Variants in FUZ observed in about 807,000 individuals in gnomAD.
FUZ encodes fuzzy planar cell polarity protein, also known as protein fuzzy homolog.
Under a neutral mutation model 43.1 loss-of-function variants are expected in FUZ, and 31 were observed. The ratio of observed to expected loss-of-function variants is 0.72; its 90% CI spans 0.54 to 0.97. FUZ has a LOEUF of 0.97. Ranked by LOEUF, FUZ falls within the 50% of genes least tolerant of loss-of-function variation. The pLI, the probability that FUZ is intolerant of heterozygous loss-of-function variation, is 0.00. For missense variants in FUZ, 539 were observed against 543.8 expected, an observed-to-expected ratio of 0.99 and a Z score of 0.09; for synonymous variants, 274 against 250.0, an observed-to-expected ratio of 1.10 and a Z score of -0.91.
In FUZ at chr19:49,806,901, G is replaced by C. The variant is rs1568593402; in HGVS notation, c.*250C>G. ...GCCTGGGACTTTCCTCCGGCCTTTTGTATTTTTATTTTTGTTCATCTGCTG... is the reference window on the plus strand; with the variant it reads ...GCCTGGGACTTTCCTCCGGCCTTTTCTATTTTTATTTTTGTTCATCTGCTG... On this transcript the variant is annotated 3_prime_UTR_variant, in exon 11 of 11. Coordinates refer to ENST00000313777, the MANE Select transcript of FUZ (RefSeq NM_025129.5). 18 of 1,540,226 alleles carry C rather than the reference G, an allele frequency of 1.2e-5. No homozygotes were observed. The East Asian group carries it at 4.4e-4, about 38-fold the overall frequency.
chr19:49,812,622 G>A lies in FUZ; in HGVS notation c.226C>T (p.His76Tyr). ...ENTTVVWKSF[H>Y]DSITLIVLSS... Reference sequence around the variant, plus strand: ...ACGTTCCCTCCTGGGGACCTGTCATGGAAGCTTTTCCACACCACAGTCGTG... The same window carrying A: ...ACGTTCCCTCCTGGGGACCTGTCATAGAAGCTTTTCCACACCACAGTCGTG... The change falls in exon 2 of 11, where the codon CAT (histidine) becomes TAT (tyrosine). Residue 76 changes from histidine to tyrosine, a missense_variant. Coordinates refer to ENST00000313777, the MANE Select transcript of FUZ (RefSeq NM_025129.5). 6.2e-7 allele frequency: 1 copy of A among 1,614,088 alleles called. No homozygotes were observed. The highest frequency in any genetic ancestry group is 8.5e-7 in the Non-Finnish European group (1 of 1,180,026).
Position 49,812,626 on chromosome 19 carries a change from G to A in FUZ, c.222C>T (p.Ser74=). The part of the protein sequence containing the change: ...RTENTTVVWK[S]FHDSITLIVL... The stretch of plus-strand genomic sequence containing the variant: ...TCCCTCCTGGGGACCTGTCATGGAA[G>A]CTTTTCCACACCACAGTCGTGTTCT... The change falls in exon 2 of 11, where the codon AGC becomes AGT. Residue 74 remains serine (S), a synonymous_variant. Coordinates refer to ENST00000313777, the MANE Select transcript of FUZ (RefSeq NM_025129.5). 6.2e-7 allele frequency: 1 copy of A among 1,614,128 alleles called. No homozygotes were observed. Among genetic ancestry groups the A allele is most frequent in the South Asian group, 1.1e-5 (1 of 91,074 alleles).
chr19:49,812,841 G>C, intron 1 of FUZ, 105 bp from the exon 2 acceptor site: 1 of 1,482,734 alleles, frequency 6.7e-7, no homozygotes. Flanking sequence ...CATATGACCT[G>C]GCAGTGCCTC....
intron 5 of FUZ, among the ~76,000 whole-genome samples, chr19:49,810,786 G>A (rs2073738655): frequency 6.6e-6 from 1 of 152,128 alleles, no homozygotes; most frequent in African/African-American, 2.4e-5. Flanking sequence ...GGAGTTCAAG[G>A]CTGCAGTGAG....
upstream of FUZ, chr19:49,813,336 G>A (rs1210343081): frequency 9.5e-6 from 6 of 632,684 alleles, no homozygotes; most frequent in Non-Finnish European, 1.4e-5. Context: ...CTAGCCGGAA[G>A]TCACGGTACC....
rs1409418658 is a variant in FUZ at position 49,809,096 on chromosome 19, TG to T, written c.786+66del. 1 of 1,388,908 alleles carries T rather than the reference TG, an allele frequency of 7.2e-7. No individual in the cohort carries two copies. The highest frequency in any genetic ancestry group is 1.0e-6 in the Non-Finnish European group (1 of 1,005,004). 86.0% of individuals were successfully genotyped at this position (1,388,908 alleles called of 1,614,324 possible). A position where few individuals can be genotyped will look rare whatever the true frequency, so the allele number is the denominator to read the frequency against. ...GAAAGATGCCGCTGGCAGGGCAGGGTGGTGGGGAAGGGCCCTCCTGGTAGCG... is the reference window on the plus strand; with the variant it reads ...GAAAGATGCCGCTGGCAGGGCAGGGTGTGGGGAAGGGCCCTCCTGGTAGCG... On this transcript the variant is annotated intron_variant, in intron 7 of 10. Coordinates refer to ENST00000313777, the MANE Select transcript of FUZ (RefSeq NM_025129.5). This position sits in a 1 kb window ranked among gnomAD's most constrained non-coding sequence, Gnocchi z 5.1.
intron 2 of FUZ, 56 bp downstream of exon 2, chr19:49,812,559 T>G: frequency 6.2e-7 from 1 of 1,613,244 alleles, no homozygotes; most frequent in African/African-American, 1.3e-5. Context: ...CGGGGTCATC[T>G]TCAACAGGGA....
In FUZ at chr19:49,809,200, C is replaced by G. The variant is rs369021547; in HGVS notation, c.749G>C (p.Cys250Ser). Residue 250 changes from cysteine to serine, a missense_variant, in exon 7 of 11, where the codon TGC (cysteine) becomes TCC (serine). Cys to Ser is a moderately radical substitution (Grantham distance 112). Coordinates refer to ENST00000313777, the MANE Select transcript of FUZ (RefSeq NM_025129.5). The surrounding 1 kb of genome is among the most constrained non-coding windows in gnomAD (Gnocchi z 5.1). Reference sequence around the variant, plus strand: ...CTGGCTGAGGGGTGGGCTCGGCCCGCAGAGTAGACACAGCTCCAGGCTCGG... The same window carrying G: ...CTGGCTGAGGGGTGGGCTCGGCCCGGAGAGTAGACACAGCTCCAGGCTCGG... ...LLPSLELCLL[C>S]GPSPPLSQLY... The G allele has an allele frequency of 9.7e-6, 15 of 1,551,538 alleles. No individual in the cohort carries two copies. In the African/African-American group the frequency reaches 1.9e-4, roughly 20 times the overall value.
chr19:49,809,295 G>A lies in FUZ; in HGVS notation c.691-37C>T, dbSNP rs2073627809. The A allele has an allele frequency of 1.3e-6, 2 of 1,548,904 alleles. No individual in the cohort carries two copies. Among genetic ancestry groups the A allele is most frequent in the Admixed American group, 3.9e-5 (2 of 50,978 alleles). ...CACAGGCTGGGGCTCATCGCGGCCC[G>A]GCCCCTTTCCATCGCAGATCCCGCC... On this transcript the variant is annotated intron_variant, in intron 6 of 10. Transcript: ENST00000313777. The surrounding 1 kb of genome is among the most constrained non-coding windows in gnomAD (Gnocchi z 5.1).
Position 49,807,008 on chromosome 19 carries a change from G to A in FUZ, c.*143C>T, listed in dbSNP as rs1377491368. ...CACAGAGGGGAGAGGGGCCAGGGAA[G>A]TGGATGTCTCCTCCCCTCCCACCCC... On this transcript the variant is annotated 3_prime_UTR_variant, in exon 11 of 11. Coordinates refer to ENST00000313777, the MANE Select transcript of FUZ (RefSeq NM_025129.5). 6.6e-6 allele frequency: 10 copies of A among 1,521,844 alleles called. No homozygotes were observed. Among genetic ancestry groups the A allele is most frequent in the Non-Finnish European group, 7.9e-6 (9 of 1,138,662 alleles). The allele number at this position is 1,521,844 out of a possible 1,614,324, so 94.3% of individuals were successfully genotyped here. A position where few individuals can be genotyped will look rare whatever the true frequency, so the allele number is the denominator to read the frequency against.
intron 7 of FUZ, 113 bp from the exon 8 acceptor site, chr19:49,808,936 A>G: frequency 1.1e-6 from 1 of 928,880 alleles, no homozygotes; most frequent in Non-Finnish European, 1.7e-6. Flanking sequence ...GGGGCCTGCA[A>G]GAAGAGTGGA....
rs764796000 is a variant in FUZ, at chr19:49,811,682, A to C, written c.336T>G (p.Leu112=). ...VFGAMVLLVG[L]EELTNIRNVE... is the part of the protein sequence containing the mutation. ...CGTTGCGGATATTGGTCAGTTCTTCAAGTCCCACAAGAAGGACCTAGAAGA... is the reference window on the plus strand; with the variant it reads ...CGTTGCGGATATTGGTCAGTTCTTCCAGTCCCACAAGAAGGACCTAGAAGA... The change falls in exon 4 of 11, where the codon CTT becomes CTG. Residue 112 remains leucine, a synonymous_variant. Transcript: ENST00000313777. 6.2e-7 allele frequency: 1 copy of C among 1,613,982 alleles called. No homozygotes were observed. Among genetic ancestry groups the C allele is most frequent in the Non-Finnish European group, 8.5e-7 (1 of 1,179,852 alleles).
At position 49,808,966 on chromosome 19, in the gene FUZ, CTG is replaced by C. The variant is rs961518777; in HGVS notation, c.787-145_787-144del. The C allele has an allele frequency of 5.4e-5, 47 of 870,942 alleles. No homozygotes were observed. In the African/African-American group the frequency reaches 6.8e-4, roughly 13 times the overall value. 54.0% of individuals were successfully genotyped at this position (870,942 alleles called of 1,614,324 possible). On this transcript the variant is annotated intron_variant, in intron 7 of 10. Transcript: ENST00000313777. Reference sequence around the variant, plus strand: ...AGTGGAGGGCGGAGGGCAGAAGGGACTGGGGAAGGGGCGAGGCCTGGAAGAAT... The same window carrying C: ...AGTGGAGGGCGGAGGGCAGAAGGGACGGGAAGGGGCGAGGCCTGGAAGAAT...
At chr19:49,811,817 C>T (rs1390738293) in intron 3 of FUZ, 118 bp from the exon 4 acceptor site, 2 of 911,218 alleles carry the variant, frequency 2.2e-6, no homozygotes, top group Non-Finnish European at 3.6e-6. Context: ...GTCAAGATTC[C>T]TGGGTTCTGG....
chr19:49,810,582 G>C (rs1474624737), intron 5 of FUZ, among the ~76,000 whole-genome samples: 2 of 150,908 alleles, frequency 1.3e-5, no homozygotes, highest in African/African-American at 4.9e-5. Context: ...GGGAGGTTGA[G>C]GCAGGGGAAT....
At chr19:49,811,292 GAAGA>G in intron 5 of FUZ, 67 bp downstream of exon 5, 1 of 1,065,798 alleles carries the variant, frequency 9.4e-7, no homozygotes, top group African/African-American at 1.6e-5. Context: ...CAATGGTCCA[GAAGA>G]AAGAGGATGA....
intron 1 of FUZ, 21 bp downstream of exon 1, chr19:49,812,975 T>C (rs1293680602): frequency 1.3e-6 from 2 of 1,542,650 alleles, no homozygotes; most frequent in Non-Finnish European, 1.8e-6. Flanking sequence ...TCGGTTTAGA[T>C]ACAGGCGTCC....
At position 49,808,480 on chromosome 19, in the gene FUZ, G is replaced by A. The variant is rs759848749; in HGVS notation, c.967C>T (p.Pro323Ser). The A allele has an allele frequency of 3.2e-5, 51 of 1,611,802 alleles. No homozygotes were observed. Among genetic ancestry groups the A allele is most frequent in the Non-Finnish European group, 3.9e-5 (46 of 1,179,382 alleles). Residue 323 changes from proline to serine, a missense_variant, in exon 10 of 11, where the codon CCA (proline) becomes TCA (serine). Transcript: ENST00000313777. The stretch of plus-strand genomic sequence containing the variant: ...CGGAGGAGGCGCCGGCGCTGTTCTG[G>A]TGAAGGCTCTGCTGGGAGGAAAAGG... ...VEPLGDKEPSPEQRRRLLRNF... is the reference protein window; with the variant it reads ...VEPLGDKEPSSEQRRRLLRNF...
Position 49,808,406 on chromosome 19 carries a change from C to T in FUZ, c.1033+8G>A, listed in dbSNP as rs2073523051. 1.2e-6 allele frequency: 2 copies of T among 1,610,614 alleles called. No homozygotes were observed. Among genetic ancestry groups the T allele is most frequent in the Non-Finnish European group, 1.7e-6 (2 of 1,178,856 alleles). On this transcript the variant is annotated splice_region_variant and intron_variant, in intron 10 of 10. Coordinates refer to ENST00000313777, the MANE Select transcript of FUZ (RefSeq NM_025129.5). ...CTGCGCAGTGGGAGCACTGTGCCTT[C>T]CGCTGACCTGGTGGGAAGTGCGTGG... is the stretch of plus-strand genomic sequence containing the variant.
Sources: allele counts gnomAD v4.1 joint callset (sites outside exome capture counted in the v4.1 genomes callset), GRCh38; gene constraint gnomAD v4.1.1; non-coding constraint Gnocchi (gnomAD v3.1); transcripts MANE v1.5; gene names NCBI Gene and HGNC (gene_info 2026-07-23, HGNC 2026-07-21).